The following RASA1 variants were observed in gnomAD, a reference collection of about 807,000 sequenced individuals.
RASA1 encodes RAS p21 protein activator 1.
In RASA1, 25 loss-of-function variants were observed where a neutral mutation model predicts 132.2. That is an observed-to-expected ratio of 0.19 (90% confidence interval 0.14 to 0.26). The LOEUF (loss-of-function observed/expected upper bound fraction) is 0.26. RASA1 is among the 10% of genes least tolerant of loss of function. The probability of loss-of-function intolerance (pLI) is 1.00; values close to 1 mark genes in which losing one functional copy is unlikely to be tolerated. For synonymous variants in RASA1, 477 were observed against 449.9 expected, an observed-to-expected ratio of 1.06 and a Z score of -0.76; for missense variants, 964 against 1,299.2, an observed-to-expected ratio of 0.74 and a Z score of 3.97.
intron 1 of RASA1, among the ~76,000 whole-genome samples, chr5:87,281,205 T>C (rs1561252483): frequency 6.6e-6 from 1 of 152,074 alleles, no homozygotes. Context: ...CCAGCAGCAA[T>C]GCACAAGGGT....
At position 87,270,646 on chromosome 5, in the gene RASA1, CTTTTTTTTTTTTTTT is replaced by C. The variant is rs70996415; in HGVS notation, c.539+1679_539+1693del. ...ACAGCCGTAAGCCACGGTGCCCGGC[CTTTTTTTTTTTTTTT>C]TTTTTTTTTTTTTTTTTTTTTTGGA... On this transcript the variant is annotated intron_variant, in intron 1 of 24. Transcript: ENST00000274376. Among the ~76,000 whole-genome samples, 120 of 71,780 alleles carry C rather than the reference CTTTTTTTTTTTTTTT, an allele frequency of 1.7e-3. 5 individuals carry two copies. The highest frequency in any genetic ancestry group is 0.013 in the South Asian group (27 of 2,036). The allele number at this position is 71,780 out of a possible 152,430, so 47.1% of individuals were successfully genotyped here. A position where few individuals can be genotyped will look rare whatever the true frequency, so the allele number is the denominator to read the frequency against.
intron 20 of RASA1, among the ~76,000 whole-genome samples, chr5:87,381,376 A>T (rs1299399501): frequency 1.3e-5 from 2 of 152,144 alleles, no homozygotes; most frequent in Non-Finnish European, 2.9e-5. Context: ...TACCCCAACT[A>T]ATTCCAGGCA....
At chr5:87,374,417 G>A in intron 14 of RASA1, 97 bp downstream of exon 14, 1 of 981,818 alleles carries the variant, frequency 1.0e-6, no homozygotes. Flanking sequence ...TCAGAACAAG[G>A]TACCATATCC....
intron 5 of RASA1, among the ~76,000 whole-genome samples, chr5:87,338,536 A>ATATATATATATATTTTTTTTTTT: frequency 1.2e-5 from 1 of 85,216 alleles, no homozygotes; most frequent in African/African-American, 4.4e-5. Context: ...TATATATAAA[A>ATATATATATATATTTTTTTTTTT]TTTTTTTTTT....
intron 9 of RASA1, among the ~76,000 whole-genome samples, chr5:87,356,977 G>A (rs138008251): frequency 0.011 from 1,730 of 152,148 alleles, 15 homozygotes; most frequent in Middle Eastern, 0.027. Context: ...CCTGACATTA[G>A]ATATTCAATA....
chr5:87,285,906 A>G (rs1338724454), intron 1 of RASA1, among the ~76,000 whole-genome samples: 1 of 152,032 alleles, frequency 6.6e-6, no homozygotes, highest in African/African-American at 2.4e-5. Context: ...GGTCTGAGCC[A>G]CCGTGCCCGG....
chr5:87,305,710 G>C (rs1484785516), intron 1 of RASA1, among the ~76,000 whole-genome samples: 1 of 152,136 alleles, frequency 6.6e-6, no homozygotes, highest in Non-Finnish European at 1.5e-5. Context: ...CCCACAGAAT[G>C]GGAGAAAATT....
At position 87,369,010 on chromosome 5, in the gene RASA1, A is replaced by G. The variant is rs1760732021; in HGVS notation, c.1611-803A>G. On this transcript the variant is annotated intron_variant, in intron 11 of 24. Transcript: ENST00000274376. ...ATGATTACTTTTAAGACATTCTCAA[A>G]GCATGAAAATATAGTCTTTATCTTT... Among the ~76,000 whole-genome samples, 2 of 152,198 alleles carry G rather than the reference A, an allele frequency of 1.3e-5. 1 individual carries two copies. Among genetic ancestry groups the G allele is most frequent in the South Asian group, 4.1e-4 (2 of 4,832 alleles).
At chr5:87,298,593 T>C (rs1209410232) in intron 1 of RASA1, among the ~76,000 whole-genome samples, 1 of 152,012 alleles carries the variant, frequency 6.6e-6, no homozygotes, top group Non-Finnish European at 1.5e-5. Context: ...TTAAAGGGAG[T>C]AGTTTTTTCA....
chr5:87,317,786 C>T (rs1756455364), intron 1 of RASA1, among the ~76,000 whole-genome samples: 1 of 152,142 alleles, frequency 6.6e-6, no homozygotes, highest in South Asian at 2.1e-4. Context: ...CAGGCGCATA[C>T]CACCACACTC....
At chr5:87,376,242 A>T in intron 15 of RASA1, 151 bp from the exon 16 acceptor site, 1 of 864,166 alleles carries the variant, frequency 1.2e-6, no homozygotes, top group Non-Finnish European at 1.8e-6. Flanking sequence ...GTAAATAAAC[A>T]ACTAAATATT....
At chr5:87,288,303 C>A (rs572372804) in intron 1 of RASA1, among the ~76,000 whole-genome samples, 1 of 151,814 alleles carries the variant, frequency 6.6e-6, no homozygotes, top group South Asian at 2.1e-4. Flanking sequence ...CTTCTGAATA[C>A]AGCTGGGACA....
At chr5:87,368,050 T>G (rs999769463) in intron 11 of RASA1, among the ~76,000 whole-genome samples, 3 of 152,174 alleles carry the variant, frequency 2.0e-5, no homozygotes, top group African/African-American at 7.2e-5. Flanking sequence ...TTTAGAAAAC[T>G]CTTGGTTAGT....
chr5:87,375,414 C>T (rs1761258802), intron 15 of RASA1, among the ~76,000 whole-genome samples: 1 of 152,040 alleles, frequency 6.6e-6, no homozygotes, highest in Non-Finnish European at 1.5e-5. Context: ...GCGCCCGCCA[C>T]CATACCTGGC....
At chr5:87,317,393 G>C (rs1221365858) in intron 1 of RASA1, among the ~76,000 whole-genome samples, 1 of 151,866 alleles carries the variant, frequency 6.6e-6, no homozygotes, top group Non-Finnish European at 1.5e-5. Context: ...ATATTTTCAA[G>C]TTCACTCATC....
chr5:87,273,010 G>A (rs2112231496), intron 1 of RASA1, among the ~76,000 whole-genome samples: 1 of 152,274 alleles, frequency 6.6e-6, no homozygotes, highest in African/African-American at 2.4e-5. Context: ...GTATTAAGGG[G>A]GTTTAGGTCA....
rs1413863258 is a variant in RASA1 at position 87,380,530 on chromosome 5, G to C, written c.2625G>C (p.Gly875=). The change falls in exon 20 of 25, where the codon GGG becomes GGC. Residue 875 remains glycine (G), a synonymous_variant. Transcript: ENST00000274376. The part of the protein sequence containing the change: ...ILPPTLRYIY[G]CLQKSVQHKW... ...GCAGGACATTGAGATATATTTATGGGTGTTTACAGAAATCTGTTCAGCATA... is the reference window on the plus strand; with the variant it reads ...GCAGGACATTGAGATATATTTATGGCTGTTTACAGAAATCTGTTCAGCATA... 1 of 1,613,104 alleles carries C rather than the reference G, an allele frequency of 6.2e-7. No individual in the cohort carries two copies. The highest frequency in any genetic ancestry group is 8.5e-7 in the Non-Finnish European group (1 of 1,179,242).
intron 7 of RASA1, among the ~76,000 whole-genome samples, chr5:87,348,716 C>G (rs557902469): frequency 6.6e-6 from 1 of 151,690 alleles, no homozygotes; most frequent in South Asian, 2.1e-4. Context: ...AAGTGATCCT[C>G]CTGGATAGCT....
At chr5:87,359,921 T>C (rs1759943786) in intron 9 of RASA1, among the ~76,000 whole-genome samples, 1 of 152,172 alleles carries the variant, frequency 6.6e-6, no homozygotes, top group Non-Finnish European at 1.5e-5. Flanking sequence ...CTAACAGTTC[T>C]TCACCCTTCG....
Sources: allele counts gnomAD v4.1 joint callset (sites outside exome capture counted in the v4.1 genomes callset), GRCh38; gene constraint gnomAD v4.1.1; transcripts MANE v1.5; gene names NCBI Gene and HGNC (gene_info 2026-07-23, HGNC 2026-07-21).